The following DCLK2 variants were observed in gnomAD, a reference collection of about 807,000 sequenced individuals.
DCLK2 encodes the protein doublecortin like kinase 2, also known as serine/threonine-protein kinase DCLK2.
DCLK2 carries 31 observed loss-of-function variants against 78.4 expected under a neutral mutation model. That is an observed-to-expected ratio of 0.40 (90% CI 0.30 to 0.53). The LOEUF is 0.53. Ranked by LOEUF, DCLK2 falls within the 20% of genes least tolerant of loss-of-function variation. The pLI, the probability that DCLK2 is intolerant of heterozygous loss-of-function variation, is 0.61. For synonymous variants in DCLK2, 407 were observed against 374.9 expected (o/e 1.09, Z -0.99); for missense variants, 872 against 973.7 (o/e 0.90, Z 1.39).
chr4:150,079,469 ACGGCAGGTGCGGCGGAGCGC>A lies in DCLK2; in HGVS notation c.421+32_421+51del, dbSNP rs746595868. ...GGAAGGTAGGAGGGGAGGGCGCCGCACGGCAGGTGCGGCGGAGCGCCGGCAGGTGCAGTGGGCGTGAGCCG... is the reference window on the plus strand; with the variant it reads ...GGAAGGTAGGAGGGGAGGGCGCCGCACGGCAGGTGCAGTGGGCGTGAGCCG... On this transcript the variant is annotated intron_variant, in intron 1 of 15. Transcript: ENST00000296550. The A allele has an allele frequency of 2.8e-4, 401 of 1,453,940 alleles. 1 individual carries two copies. Among genetic ancestry groups the A allele is most frequent in the South Asian group, 7.6e-4 (52 of 68,532 alleles). The allele number at this position is 1,453,940 out of a possible 1,614,324, so 90.1% of individuals were successfully genotyped here. A position where few individuals can be genotyped will look rare whatever the true frequency, so the allele number is the denominator to read the frequency against.
intron 2 of DCLK2, among the ~76,000 whole-genome samples, chr4:150,174,421 G>A (rs950993764): frequency 2.7e-4 from 41 of 152,092 alleles, no homozygotes; most frequent in African/African-American, 8.9e-4. Flanking sequence ...CTTTCACAAC[G>A]TGCCTTCCAT....
chr4:150,112,794 G>A (rs1400508972), intron 2 of DCLK2, among the ~76,000 whole-genome samples: 1 of 151,222 alleles, frequency 6.6e-6, no homozygotes, highest in Non-Finnish European at 1.5e-5. Flanking sequence ...ACTTGACCAT[G>A]GTGAATTATC....
chr4:150,100,297 A>AT (rs1197418887), intron 1 of DCLK2, among the ~76,000 whole-genome samples: 1 of 152,234 alleles, frequency 6.6e-6, no homozygotes, highest in Admixed American at 6.5e-5. Context: ...ACAAAAGCAA[A>AT]TTAAGGAGCT....
intron 8 of DCLK2, among the ~76,000 whole-genome samples, chr4:150,226,188 C>T (rs1036390415): frequency 1.3e-5 from 2 of 150,426 alleles, no homozygotes; most frequent in African/African-American, 4.9e-5. Flanking sequence ...TCTCAGAACT[C>T]CAGAATGGAA....
chr4:150,113,142 CAGTT>C (rs1731819869), intron 2 of DCLK2, among the ~76,000 whole-genome samples: 1 of 151,942 alleles, frequency 6.6e-6, no homozygotes, highest in Non-Finnish European at 1.5e-5. Flanking sequence ...TTGTTGGATT[CAGTT>C]AGTATTTTGT....
intron 1 of DCLK2, among the ~76,000 whole-genome samples, chr4:150,099,878 T>C (rs1358984151): frequency 6.6e-6 from 1 of 152,204 alleles, no homozygotes; most frequent in African/African-American, 2.4e-5. Context: ...CTCAAAACTT[T>C]AATACAAGTT....
chr4:150,127,407 T>G (rs1281842077), intron 2 of DCLK2, among the ~76,000 whole-genome samples: 1 of 152,208 alleles, frequency 6.6e-6, no homozygotes, highest in Non-Finnish European at 1.5e-5. Flanking sequence ...CCTATTTACT[T>G]ACTTATTCAA....
chr4:150,173,777 G>A (rs1736728663), intron 2 of DCLK2, among the ~76,000 whole-genome samples: 1 of 152,148 alleles, frequency 6.6e-6, no homozygotes, highest in Non-Finnish European at 1.5e-5. Context: ...TAATAGGAGT[G>A]CTGCTCCTGG....
intron 5 of DCLK2, among the ~76,000 whole-genome samples, chr4:150,206,156 T>C (rs1201353445): frequency 1.3e-5 from 2 of 152,222 alleles, no homozygotes; most frequent in Non-Finnish European, 2.9e-5. Context: ...AAATACATGT[T>C]AATATTCTGT....
At chr4:150,214,595 G>C (rs1349006355) in intron 5 of DCLK2, among the ~76,000 whole-genome samples, 1 of 152,152 alleles carries the variant, frequency 6.6e-6, no homozygotes, top group Non-Finnish European at 1.5e-5. Context: ...TCCAGCAGCA[G>C]AGCCAAAGAG....
chr4:150,105,063 C>A (rs1375115279), intron 2 of DCLK2, among the ~76,000 whole-genome samples: 1 of 152,092 alleles, frequency 6.6e-6, no homozygotes, highest in Admixed American at 6.5e-5. Flanking sequence ...GGCTTTCATG[C>A]TACCAGATAC....
intron 12 of DCLK2, among the ~76,000 whole-genome samples, chr4:150,244,744 G>T (rs1008971889): frequency 6.6e-6 from 1 of 152,154 alleles, no homozygotes; most frequent in Non-Finnish European, 1.5e-5. Context: ...TTTCTAGTGC[G>T]GGGCAGGCCC....
intron 4 of DCLK2, chr4:150,198,922 A>T: frequency 8.9e-6 from 1 of 111,776 alleles, no homozygotes. Context: ...CCCCCCCCCC[A>T]CTTTCTGTAG....
chr4:150,240,426 A>C lies in DCLK2; in HGVS notation c.1728A>C (p.Ala576=), dbSNP rs1241041799. The C allele has an allele frequency of 1.9e-6, 3 of 1,613,928 alleles. No individual in the cohort carries two copies. The highest frequency in any genetic ancestry group is 3.3e-5 in the Admixed American group (2 of 59,996). Residue 576 remains alanine, a synonymous_variant, in exon 12 of 16, where the codon GCA becomes GCC. Coordinates refer to ENST00000296550, the MANE Select transcript of DCLK2 (RefSeq NM_001040260.4). ...ATGGCCTGAAGGTGGACATTTGGGCAGCTGGTGTGATCACATACATACTTC... is the reference window on the plus strand; with the variant it reads ...ATGGCCTGAAGGTGGACATTTGGGCCGCTGGTGTGATCACATACATACTTC... ...TGYGLKVDIW[A]AGVITYILLC...
intron 1 of DCLK2, among the ~76,000 whole-genome samples, chr4:150,090,472 G>T (rs559762752): frequency 4.4e-4 from 67 of 152,240 alleles, no homozygotes; most frequent in Admixed American, 1.3e-3. Context: ...AATTCCCATA[G>T]TGAGCTCCTG....
intron 2 of DCLK2, among the ~76,000 whole-genome samples, chr4:150,170,982 GC>G (rs1235759873): frequency 6.6e-6 from 1 of 152,132 alleles, no homozygotes; most frequent in African/African-American, 2.4e-5. Context: ...TTTCGCTTCT[GC>G]AGTGGCCAGA....
chr4:150,242,969 AC>A (rs751593668), intron 12 of DCLK2, among the ~76,000 whole-genome samples: 12 of 152,196 alleles, frequency 7.9e-5, no homozygotes, highest in Non-Finnish European at 1.2e-4. Flanking sequence ...TGGGCCAGTT[AC>A]AGTGGAGTTC....
chr4:150,132,021 C>T (rs557008211), intron 2 of DCLK2, among the ~76,000 whole-genome samples: 49 of 152,184 alleles, frequency 3.2e-4, no homozygotes, highest in Admixed American at 6.5e-4. Context: ...GTACAATTTG[C>T]ACATCCATAA....
intron 13 of DCLK2, 54 bp from the exon 14 acceptor site, chr4:150,248,251 T>C: frequency 6.7e-7 from 1 of 1,499,770 alleles, no homozygotes; most frequent in Non-Finnish European, 9.3e-7. Context: ...GTATTTATGC[T>C]GGAATTACCT....
Sources: allele counts gnomAD v4.1 joint callset (sites outside exome capture counted in the v4.1 genomes callset), GRCh38; gene constraint gnomAD v4.1.1; transcripts MANE v1.5; gene names NCBI Gene and HGNC (gene_info 2026-07-23, HGNC 2026-07-21).